The following PLA2G6 variants were observed in gnomAD, a reference collection of about 807,000 sequenced individuals.
PLA2G6 encodes 85/88 kDa calcium-independent phospholipase A2.
In PLA2G6, 62 loss-of-function variants were observed where a neutral mutation model predicts 83.8. The observed-to-expected ratio is 0.74, with a 90% CI of 0.60 to 0.91. The LOEUF (loss-of-function observed/expected upper bound fraction) is 0.91, where lower values mean the gene tolerates loss of function less well. Ranked by LOEUF, PLA2G6 falls within the 40% of genes least tolerant of loss-of-function variation. The pLI is 0.00. For synonymous variants in PLA2G6, 417 were observed against 449.8 expected (o/e 0.93, Z 0.92); for missense variants, 944 against 1,102.0 (o/e 0.86, Z 2.03).
At chr22:38,113,228 T>C (rs2086987333) in intron 15 of PLA2G6, among the ~76,000 whole-genome samples, 1 of 152,152 alleles carries the variant, frequency 6.6e-6, no homozygotes, top group African/African-American at 2.4e-5. Context: ...CATTCTGGGC[T>C]TCTACACTGC....
At chr22:38,158,356 A>T (rs1415734487) in intron 2 of PLA2G6, among the ~76,000 whole-genome samples, 1 of 151,850 alleles carries the variant, frequency 6.6e-6, no homozygotes, top group Non-Finnish European at 1.5e-5. Context: ...TTTTTAGTAG[A>T]GACAGGGTTT....
chr22:38,115,643 C>T lies in PLA2G6; in HGVS notation c.1918G>A (p.Ala640Thr). 6.3e-7 allele frequency: 1 copy of T among 1,589,282 alleles called. No individual in the cohort carries two copies. The highest frequency in any genetic ancestry group is 2.3e-5 in the East Asian group (1 of 43,770). ...CCATTGGGTCGGAAGTAAGTAGGAG[C>T]TGCCCCGCTGCTTCGGGCCGCCCGC... ...VWRAARSSGA[A>T]PTYFRPNGRF... Residue 640 changes from alanine (A) to threonine (T), a missense_variant, in exon 14 of 17, where the codon GCT becomes ACT. By Grantham distance (58) the Ala-to-Thr change is moderately conservative (BLOSUM62 0). Coordinates refer to ENST00000332509, the MANE Select transcript of PLA2G6 (RefSeq NM_003560.4).
chr22:38,177,458 CTTTTT>C (rs72012543), intron 1 of PLA2G6, among the ~76,000 whole-genome samples: 1 of 115,660 alleles, frequency 8.6e-6, no homozygotes, highest in Non-Finnish European at 1.8e-5. Flanking sequence ...TAAATTGCCA[CTTTTT>C]TTTTTTTTTT....
intron 2 of PLA2G6, among the ~76,000 whole-genome samples, chr22:38,156,050 A>T (rs1040568454): frequency 1.3e-5 from 2 of 152,262 alleles, no homozygotes; most frequent in African/African-American, 2.4e-5. Context: ...GAGGCAAAAC[A>T]GACTTCAAGA....
intron 16 of PLA2G6, 65 bp from the exon 17 acceptor site, chr22:38,112,370 G>C: frequency 6.3e-7 from 1 of 1,577,318 alleles, no homozygotes; most frequent in South Asian, 1.1e-5. Context: ...ACGCCAGCTA[G>C]GACCAGGGTG....
At chr22:38,157,405 G>A (rs1432629818) in intron 2 of PLA2G6, among the ~76,000 whole-genome samples, 2 of 152,220 alleles carry the variant, frequency 1.3e-5, no homozygotes, top group African/African-American at 4.8e-5. Flanking sequence ...AGATGGAACC[G>A]TGAAGAAATC....
chr22:38,171,195 T>C (rs529820325), intron 1 of PLA2G6, among the ~76,000 whole-genome samples: 2 of 147,884 alleles, frequency 1.4e-5, no homozygotes, highest in Non-Finnish European at 1.5e-5. Flanking sequence ...AAAAAGATCA[T>C]AACAACTGAA....
intron 2 of PLA2G6, among the ~76,000 whole-genome samples, chr22:38,163,016 G>A (rs2090079070): frequency 6.6e-6 from 1 of 152,124 alleles, no homozygotes; most frequent in African/African-American, 2.4e-5. Context: ...TGTCTCTGCT[G>A]GGGTGGGAGG....
chr22:38,141,380 T>TA (rs2088893804), intron 4 of PLA2G6: 1 of 151,356 alleles, frequency 6.6e-6, no homozygotes, highest in African/African-American at 2.4e-5. Flanking sequence ...GCTAGGAGGG[T>TA]TTTACTGTCT....
intron 2 of PLA2G6, chr22:38,148,991 G>A (rs1018122296): frequency 1.9e-5 from 3 of 157,278 alleles, no homozygotes; most frequent in Non-Finnish European, 2.8e-5. Flanking sequence ...TCAGCCTCCC[G>A]AGTAGCAGGG....
chr22:38,163,975 A>G (rs1353044536), intron 2 of PLA2G6, among the ~76,000 whole-genome samples: 3 of 152,146 alleles, frequency 2.0e-5, no homozygotes, highest in East Asian at 3.9e-4. Flanking sequence ...AGGGAAGCAC[A>G]GATCACACAC....
Position 38,112,160 on chromosome 22 carries a change from C to G in PLA2G6, c.*1G>C. Reference sequence around the variant, plus strand: ...TGGGGCCGGTGAGAGGCTGGGGACCCTCAGGGTGAGAGCAGCAGCTGGATG... The same window carrying G: ...TGGGGCCGGTGAGAGGCTGGGGACCGTCAGGGTGAGAGCAGCAGCTGGATG... On this transcript the variant is annotated 3_prime_UTR_variant, in exon 17 of 17. Coordinates refer to ENST00000332509, the MANE Select transcript of PLA2G6 (RefSeq NM_003560.4). 1.9e-6 allele frequency: 3 copies of G among 1,579,052 alleles called. No homozygotes were observed. Among genetic ancestry groups the G allele is most frequent in the African/African-American group, 2.7e-5 (2 of 74,324 alleles).
intron 2 of PLA2G6, chr22:38,148,385 G>A (rs2089384737): frequency 1.5e-6 from 1 of 646,812 alleles, no homozygotes; most frequent in South Asian, 1.7e-5. Flanking sequence ...AGCAGACTAG[G>A]GAATGTGAAA....
intron 2 of PLA2G6, 73 bp downstream of exon 2, chr22:38,169,145 G>T: frequency 8.4e-7 from 1 of 1,194,758 alleles, no homozygotes; most frequent in Non-Finnish European, 1.2e-6. Context: ...CTGCTTCTCG[G>T]CCAATAAGAC....
chr22:38,176,804 G>A (rs1158682203), intron 1 of PLA2G6, among the ~76,000 whole-genome samples: 3 of 152,210 alleles, frequency 2.0e-5, no homozygotes, highest in Non-Finnish European at 4.4e-5. Context: ...TTGGGAGGGT[G>A]AGATGGGCAG....
At position 38,123,687 on chromosome 22, in the gene PLA2G6, CA is replaced by C. The variant is rs2087662803; in HGVS notation, c.1428-430del. Reference sequence around the variant, plus strand: ...CCAGGAATGGGCAGTGACAGAGTATCAGGGCCTCCACACAAGGTGGAAGAAG... The same window carrying C: ...CCAGGAATGGGCAGTGACAGAGTATCGGGCCTCCACACAAGGTGGAAGAAG... On this transcript the variant is annotated intron_variant, in intron 10 of 16. Transcript: ENST00000332509. The surrounding 1 kb of genome is among the most constrained non-coding windows in gnomAD (Gnocchi z 4.1). Among the ~76,000 whole-genome samples, 1 of 151,980 alleles carries C rather than the reference CA, an allele frequency of 6.6e-6. No homozygotes were observed. The highest frequency in any genetic ancestry group is 1.9e-4 in the East Asian group (1 of 5,196).
intron 2 of PLA2G6, among the ~76,000 whole-genome samples, chr22:38,166,459 GTGACTCA>G (rs2090219636): frequency 6.6e-6 from 1 of 152,206 alleles, no homozygotes; most frequent in South Asian, 2.1e-4. Flanking sequence ...GCCGGGCATG[GTGACTCA>G]TGCCTGTAAT....
At chr22:38,147,401 G>A (rs1361610747) in intron 2 of PLA2G6, 1 of 169,214 alleles carries the variant, frequency 5.9e-6, no homozygotes, top group Admixed American at 6.5e-5. Context: ...TGCCCAGAGA[G>A]TGTTGGCTCA....
chr22:38,150,609 G>A (rs1331655883), intron 2 of PLA2G6: 2 of 152,210 alleles, frequency 1.3e-5, no homozygotes, highest in African/African-American at 2.4e-5. Flanking sequence ...TGTATTGTAT[G>A]TAACATAACA....
Sources: allele counts gnomAD v4.1 joint callset (sites outside exome capture counted in the v4.1 genomes callset), GRCh38; gene constraint gnomAD v4.1.1; non-coding constraint Gnocchi (gnomAD v3.1); transcripts MANE v1.5; gene names NCBI Gene and HGNC (gene_info 2026-07-23, HGNC 2026-07-21).